The following CUX1 variants were observed in gnomAD, a reference collection of about 807,000 sequenced individuals.
CUX1 encodes cut like homeobox 1, also known as protein CASP.
In CUX1, 31 loss-of-function variants were observed where a neutral mutation model predicts 158.8. The observed-to-expected ratio is 0.20, with a 90% CI of 0.15 to 0.26. The LOEUF is 0.26. CUX1 is among the 10% of genes least tolerant of loss of function. CUX1 has a pLI of 1.00. For synonymous variants in CUX1, 879 were observed against 862.1 expected, an observed-to-expected ratio of 1.02 and a Z score of -0.34; for missense variants, 1,589 against 2,014.6, an observed-to-expected ratio of 0.79 and a Z score of 4.04.
At chr7:102,262,395 C>CATGCATGGATGGATGGATGGATGG (rs1790461321), downstream of CUX1, among the ~76,000 whole-genome samples, 1 of 143,178 alleles carries the variant, frequency 7.0e-6, no homozygotes, top group Non-Finnish European at 1.5e-5. Flanking sequence ...AAGACTCCAT[C>CATGCATGGATGGATGGATGGATGG]ATGGATGGAT....
chr7:102,027,612 G>A (rs1445150407), intron 2 of CUX1, among the ~76,000 whole-genome samples: 2 of 152,294 alleles, frequency 1.3e-5, no homozygotes, highest in African/African-American at 2.4e-5. Context: ...TGTAATCCCA[G>A]CACTTTGGGA....
At position 102,203,905 on chromosome 7, in the gene CUX1, C is replaced by T. The variant is rs1156478577; in HGVS notation, c.2908-486C>T. Among the ~76,000 whole-genome samples the T allele has an allele frequency of 2.0e-5, 3 of 152,210 alleles. No individual in the cohort carries two copies. The East Asian group carries it at 5.8e-4, about 29-fold the overall frequency. On this transcript the variant is annotated intron_variant, in intron 18 of 23. Transcript: ENST00000292535. ...TTGATCAGGATGTGGTCAGAACAAGCAGACCTTTCTAAATGCTGGCCTGGC... is the reference window on the plus strand; with the variant it reads ...TTGATCAGGATGTGGTCAGAACAAGTAGACCTTTCTAAATGCTGGCCTGGC...
intron 1 of CUX1, among the ~76,000 whole-genome samples, chr7:101,841,070 T>G (rs1795152001): frequency 1.3e-5 from 2 of 151,864 alleles, no homozygotes; most frequent in Middle Eastern, 3.4e-3. Flanking sequence ...ATTTTTTGTA[T>G]TTTTAATAGA....
chr7:102,010,490 G>A (rs1317857900), intron 2 of CUX1, among the ~76,000 whole-genome samples: 1 of 151,346 alleles, frequency 6.6e-6, no homozygotes, highest in African/African-American at 2.4e-5. Flanking sequence ...TCTTAAATCT[G>A]TATCATGGAA....
At chr7:102,013,569 A>G (rs1346004800) in intron 2 of CUX1, among the ~76,000 whole-genome samples, 3 of 152,224 alleles carry the variant, frequency 2.0e-5, no homozygotes, top group African/African-American at 7.2e-5. Context: ...CCAAACACAT[A>G]ATAATTCTCT....
intron 5 of CUX1, among the ~76,000 whole-genome samples, chr7:102,097,770 G>A (rs1377464231): frequency 1.3e-5 from 2 of 152,110 alleles, no homozygotes; most frequent in East Asian, 1.9e-4. Context: ...AATTCTTCCC[G>A]TATCATTACG....
At chr7:102,158,474 G>A in intron 8 of CUX1, 86 bp from the exon 9 acceptor site, 3 of 1,394,738 alleles carry the variant, frequency 2.2e-6, no homozygotes, top group Non-Finnish European at 3.0e-6. Context: ...CCCTTCCCGA[G>A]CCCTGAGCTA....
chr7:102,208,192 A>G (rs1188305126), intron 20 of CUX1, among the ~76,000 whole-genome samples: 1 of 151,980 alleles, frequency 6.6e-6, no homozygotes, highest in African/African-American at 2.4e-5. Context: ...TGTCTCAAAA[A>G]AAAACAAAAG....
intron 1 of CUX1, among the ~76,000 whole-genome samples, chr7:101,842,849 C>T (rs1412260390): frequency 7.1e-6 from 1 of 139,942 alleles, no homozygotes; most frequent in South Asian, 2.3e-4. Context: ...AAATTCTATT[C>T]GTTTTGACAT....
chr7:101,990,458 C>T (rs144463769), intron 2 of CUX1, among the ~76,000 whole-genome samples: 6,986 of 152,006 alleles, frequency 0.046, 533 homozygotes, highest in African/African-American at 0.16. Context: ...TTCACTGCAA[C>T]CTCCGCCTCC....
At chr7:101,995,529 G>A (rs776408728) in intron 2 of CUX1, among the ~76,000 whole-genome samples, 1 of 152,198 alleles carries the variant, frequency 6.6e-6, no homozygotes, top group African/African-American at 2.4e-5. Context: ...AACATGGTGG[G>A]AACTTAGCAA....
intron 4 of CUX1, among the ~76,000 whole-genome samples, chr7:102,094,410 T>G (rs1357853666): frequency 6.6e-6 from 1 of 152,214 alleles, no homozygotes; most frequent in Non-Finnish European, 1.5e-5. Context: ...ATTATGAGAT[T>G]GCCTGAATTT....
At chr7:102,102,832 C>T (rs1264640140) in intron 5 of CUX1, among the ~76,000 whole-genome samples, 4 of 152,164 alleles carry the variant, frequency 2.6e-5, no homozygotes, top group Non-Finnish European at 5.9e-5. Flanking sequence ...ATCCAGCATG[C>T]GGAGTGGCAT....
intron 3 of CUX1, among the ~76,000 whole-genome samples, chr7:102,057,032 G>C (rs1353149020): frequency 6.6e-6 from 1 of 151,720 alleles, no homozygotes; most frequent in Non-Finnish European, 1.5e-5. Flanking sequence ...CTCCCGAGTA[G>C]CTGGGATTAC....
intron 2 of CUX1, among the ~76,000 whole-genome samples, chr7:102,011,671 G>A (rs1290453895): frequency 6.6e-6 from 1 of 151,802 alleles, no homozygotes; most frequent in Non-Finnish European, 1.5e-5. Context: ...ATGAGCCACC[G>A]CGCCTGGCCT....
chr7:101,833,405 A>G (rs1794273015), intron 1 of CUX1, among the ~76,000 whole-genome samples: 1 of 150,794 alleles, frequency 6.6e-6, no homozygotes, highest in South Asian at 2.1e-4. Flanking sequence ...AAAGAAAGAA[A>G]TTAGCTGAGC....
chr7:102,120,509 T>A (rs1012615354), intron 8 of CUX1, among the ~76,000 whole-genome samples: 5 of 152,242 alleles, frequency 3.3e-5, no homozygotes, highest in Admixed American at 3.3e-4. Context: ...GCCTATATGC[T>A]TTTTTCAAAG....
chr7:101,925,912 G>T (rs566265708), intron 2 of CUX1, among the ~76,000 whole-genome samples: 6 of 152,008 alleles, frequency 3.9e-5, no homozygotes, highest in African/African-American at 1.4e-4. Context: ...CTCCAATGTG[G>T]GTGACAGAGT....
At chr7:102,198,155 G>C (rs1209733837) in intron 15 of CUX1, among the ~76,000 whole-genome samples, 1 of 152,178 alleles carries the variant, frequency 6.6e-6, no homozygotes, top group African/African-American at 2.4e-5. Flanking sequence ...AGCTACTTGA[G>C]AGGCTAAGGC....
Sources: gnomAD v4.1 joint callset for allele counts (sites outside exome capture counted in the v4.1 genomes callset) on GRCh38, gnomAD v4.1.1 for gene constraint, MANE v1.5 for transcripts, NCBI Gene and HGNC (gene_info 2026-07-23, HGNC 2026-07-21) for gene names.